Variants in SYT9 observed in about 807,000 individuals in gnomAD.
SYT9 encodes synaptotagmin-9.
SYT9 carries 22 observed loss-of-function variants against 48.4 expected under a neutral mutation model. That is an observed-to-expected ratio of 0.45 (90% confidence interval 0.32 to 0.65). The LOEUF is 0.65. Among genes scored for constraint, SYT9 ranks in the 30% least tolerant of loss-of-function variants. The probability of loss-of-function intolerance (pLI) is 0.03; values close to 1 mark genes in which losing one functional copy is unlikely to be tolerated. For synonymous variants in SYT9, 265 were observed against 245.0 expected (o/e 1.08, Z -0.76); for missense variants, 577 against 622.0 (o/e 0.93, Z 0.77).
At chr11:7,385,597 T>A (rs1201182996) in intron 3 of SYT9, among the ~76,000 whole-genome samples, 1 of 152,034 alleles carries the variant, frequency 6.6e-6, no homozygotes, top group African/African-American at 2.4e-5. Flanking sequence ...CAAATCCCCA[T>A]GATACACAAT....
intron 5 of SYT9, 83 bp from the exon 6 acceptor site, chr11:7,420,423 A>T (rs1847329969): frequency 2.7e-6 from 4 of 1,488,244 alleles, no homozygotes; most frequent in South Asian, 1.2e-5. Flanking sequence ...CACATCCCCA[A>T]TTCCTTCATC....
chr11:7,284,027 G>T (rs1848553162), intron 1 of SYT9, among the ~76,000 whole-genome samples: 1 of 152,104 alleles, frequency 6.6e-6, no homozygotes, highest in Admixed American at 6.5e-5. Flanking sequence ...ATCTTGTCAT[G>T]TTCTAATTGA....
At chr11:7,447,510 A>G (rs747693619) in intron 6 of SYT9, among the ~76,000 whole-genome samples, 1 of 152,172 alleles carries the variant, frequency 6.6e-6, no homozygotes, top group Non-Finnish European at 1.5e-5. Flanking sequence ...GCTCCCTCAC[A>G]AACATTCACT....
chr11:7,302,434 C>T (rs762555341), intron 1 of SYT9, among the ~76,000 whole-genome samples: 21 of 152,178 alleles, frequency 1.4e-4, no homozygotes, highest in Non-Finnish European at 8.8e-5. Flanking sequence ...ACCCAAACTA[C>T]AATATTCTAT....
chr11:7,334,944 A>G (rs1371686003), intron 3 of SYT9, among the ~76,000 whole-genome samples: 1 of 152,204 alleles, frequency 6.6e-6, no homozygotes, highest in Non-Finnish European at 1.5e-5. Context: ...ATGAACATTC[A>G]TGTGCTTTGT....
At chr11:7,425,420 G>C (rs554311514) in intron 6 of SYT9, among the ~76,000 whole-genome samples, 58 of 152,326 alleles carry the variant, frequency 3.8e-4, no homozygotes, top group African/African-American at 1.3e-3. Flanking sequence ...AGATGGGAGT[G>C]GGGAGAGCAT....
At chr11:7,308,786 A>G (rs1849078926) in intron 2 of SYT9, among the ~76,000 whole-genome samples, 1 of 152,176 alleles carries the variant, frequency 6.6e-6, no homozygotes, top group East Asian at 1.9e-4. Context: ...CTTCCACCCC[A>G]TTTGACACTG....
At chr11:7,367,237 A>G (rs1301114618) in intron 3 of SYT9, among the ~76,000 whole-genome samples, 2 of 119,244 alleles carry the variant, frequency 1.7e-5, no homozygotes, top group Non-Finnish European at 3.4e-5. Context: ...GCCCGCCACT[A>G]CGCCCGGCTA....
At chr11:7,302,239 G>A (rs956001811) in intron 1 of SYT9, among the ~76,000 whole-genome samples, 2 of 152,194 alleles carry the variant, frequency 1.3e-5, no homozygotes, top group South Asian at 2.1e-4. Context: ...CCACTTAGGT[G>A]GGGTATATCT....
chr11:7,433,523 T>C (rs550352365), intron 6 of SYT9, among the ~76,000 whole-genome samples: 1 of 152,310 alleles, frequency 6.6e-6, no homozygotes, highest in Non-Finnish European at 1.5e-5. Flanking sequence ...TTTATCTGCA[T>C]TCTCTCTCTG....
chr11:7,443,524 C>A lies in SYT9; in HGVS notation c.1467+22889C>A, dbSNP rs1847869936. Among the ~76,000 whole-genome samples the A allele has an allele frequency of 2.0e-5, 3 of 152,208 alleles. No homozygotes were observed. In the South Asian group the frequency reaches 6.2e-4, roughly 32 times the overall value. ...TGAATGCATGAAAGAGGCTGCGCAG[C>A]AGACAAGGCTCCTGGGAGCCAAGGC... On this transcript the variant is annotated intron_variant, in intron 6 of 6. Coordinates refer to ENST00000318881, the MANE Select transcript of SYT9 (RefSeq NM_175733.4).
chr11:7,363,073 A>G (rs1398702180), intron 3 of SYT9, among the ~76,000 whole-genome samples: 1 of 144,814 alleles, frequency 6.9e-6, no homozygotes, highest in Non-Finnish European at 1.5e-5. Context: ...ATGAGTCACC[A>G]GTGTCTGTAA....
Position 7,468,543 on chromosome 11 carries a change from G to A in SYT9, c.*1743G>A. The A allele has an allele frequency of 5.2e-6, 2 of 386,850 alleles. No individual in the cohort carries two copies. The highest frequency in any genetic ancestry group is 9.1e-6 in the Non-Finnish European group (2 of 218,932). 24.0% of individuals were successfully genotyped at this position (386,850 alleles called of 1,614,324 possible). ...ACATCCTCCACCATACCAGTGTTTAGAAGCAAAACATGAAGGGCTAGCGCC... is the reference window on the plus strand; with the variant it reads ...ACATCCTCCACCATACCAGTGTTTAAAAGCAAAACATGAAGGGCTAGCGCC... On this transcript the variant is annotated 3_prime_UTR_variant, in exon 7 of 7. Coordinates refer to ENST00000318881, the MANE Select transcript of SYT9 (RefSeq NM_175733.4).
intron 3 of SYT9, among the ~76,000 whole-genome samples, chr11:7,363,582 C>G (rs989008558): frequency 6.6e-6 from 1 of 152,050 alleles, no homozygotes. Context: ...GGAAAGGATC[C>G]TTTTAGATGG....
At chr11:7,289,044 T>C (rs890860437) in intron 1 of SYT9, among the ~76,000 whole-genome samples, 2 of 152,164 alleles carry the variant, frequency 1.3e-5, no homozygotes, top group African/African-American at 4.8e-5. Flanking sequence ...GGAGAGCAAA[T>C]TTCCATCTAG....
chr11:7,411,120 G>A (rs564165966), intron 3 of SYT9, among the ~76,000 whole-genome samples: 5 of 152,340 alleles, frequency 3.3e-5, no homozygotes, highest in African/African-American at 1.2e-4. Context: ...ATCCCAAAAT[G>A]CTAGGATTGC....
intron 1 of SYT9, among the ~76,000 whole-genome samples, chr11:7,283,657 C>T (rs896845024): frequency 2.6e-5 from 4 of 152,160 alleles, no homozygotes; most frequent in African/African-American, 7.2e-5. Flanking sequence ...TGATCCCAAT[C>T]GCATTAGCCA....
chr11:7,333,567 T>C (rs1318010906), intron 3 of SYT9, among the ~76,000 whole-genome samples: 3 of 152,240 alleles, frequency 2.0e-5, no homozygotes, highest in Admixed American at 1.3e-4. Context: ...AAAAGTCTAA[T>C]ACTTTGGTTT....
intron 6 of SYT9, among the ~76,000 whole-genome samples, chr11:7,461,554 G>C (rs1375022031): frequency 1.3e-5 from 2 of 152,082 alleles, no homozygotes; most frequent in African/African-American, 4.8e-5. Flanking sequence ...TGTATTTTTA[G>C]TAGAGACGAG....
Sources: allele counts gnomAD v4.1 joint callset (sites outside exome capture counted in the v4.1 genomes callset), GRCh38; gene constraint gnomAD v4.1.1; transcripts MANE v1.5; gene names NCBI Gene and HGNC (gene_info 2026-07-23, HGNC 2026-07-21).